Variants in GPR176 observed in about 807,000 individuals in gnomAD.
GPR176 encodes the protein G protein-coupled receptor 176, also known as G-protein coupled receptor 176.
In GPR176, 26 loss-of-function variants were observed where a neutral mutation model predicts 35.4. That is an observed-to-expected ratio of 0.74 (90% CI 0.54 to 1.02). GPR176 has a LOEUF of 1.02. Among genes scored for constraint, GPR176 ranks in the 50% least tolerant of loss-of-function variants. GPR176 has a pLI of 0.00. For missense variants in GPR176, 597 were observed against 665.3 expected, an observed-to-expected ratio of 0.90 and a Z score of 1.13; for synonymous variants, 278 against 271.3, an observed-to-expected ratio of 1.02 and a Z score of -0.24.
intron 1 of GPR176, among the ~76,000 whole-genome samples, chr15:39,846,095 T>C (rs1459159895): frequency 1.3e-5 from 2 of 152,220 alleles, no homozygotes; most frequent in East Asian, 3.9e-4. Context: ...TCTGGACTTC[T>C]ACATCTGTGA....
At chr15:39,886,453 T>C (rs1011616244) in intron 1 of GPR176, among the ~76,000 whole-genome samples, 1 of 152,088 alleles carries the variant, frequency 6.6e-6, no homozygotes, top group East Asian at 1.9e-4. Context: ...GATTTTCACA[T>C]CTATAAAATT....
In GPR176 at chr15:39,877,555, T is replaced by C. The variant is rs200021710; in HGVS notation, c.172+42300A>G. Among the ~76,000 whole-genome samples the C allele has an allele frequency of 4.0e-3, 612 of 151,208 alleles. 3 individuals carry two copies. The highest frequency in any genetic ancestry group is 0.031 in the East Asian group (158 of 5,146). On this transcript the variant is annotated intron_variant, in intron 1 of 2. Transcript: ENST00000561100. ...ATGCTCTTCTTCTTCTTCTTCTTTT[T>C]TTTTTTTTTTTGTTTGTTTGTTTTG...
intron 1 of GPR176, among the ~76,000 whole-genome samples, chr15:39,832,090 C>T (rs544567813): frequency 2.6e-5 from 4 of 152,024 alleles, no homozygotes; most frequent in African/African-American, 9.6e-5. Context: ...AGAAGACATA[C>T]AAATGGCCAA....
At chr15:39,849,391 C>G (rs985497698) in intron 1 of GPR176, among the ~76,000 whole-genome samples, 1 of 152,096 alleles carries the variant, frequency 6.6e-6, no homozygotes, top group Non-Finnish European at 1.5e-5. Context: ...ATTCCACATA[C>G]TCTCTTCCAA....
intron 1 of GPR176, among the ~76,000 whole-genome samples, chr15:39,895,004 G>A (rs926742799): frequency 3.3e-5 from 5 of 152,238 alleles, no homozygotes; most frequent in Non-Finnish European, 5.9e-5. Context: ...CGAGGCTGGC[G>A]GATCACTTGC....
At chr15:39,887,898 A>C (rs1047934618) in intron 1 of GPR176, among the ~76,000 whole-genome samples, 1 of 152,222 alleles carries the variant, frequency 6.6e-6, no homozygotes, top group Non-Finnish European at 1.5e-5. Context: ...GATATAAAAG[A>C]AGCTCTCTGC....
intron 1 of GPR176, among the ~76,000 whole-genome samples, chr15:39,897,303 C>A (rs770744437): frequency 1.3e-5 from 2 of 152,228 alleles, no homozygotes; most frequent in Non-Finnish European, 2.9e-5. Flanking sequence ...ACAGCAGACA[C>A]AAAACCACAC....
At chr15:39,878,456 T>C (rs1294455104) in intron 1 of GPR176, among the ~76,000 whole-genome samples, 5 of 138,946 alleles carry the variant, frequency 3.6e-5, no homozygotes, top group African/African-American at 1.3e-4. Flanking sequence ...ACTTCTTCCT[T>C]GTGACCAAAT....
Position 39,811,743 on chromosome 15 carries a change from C to T in GPR176, c.173-4485G>A, listed in dbSNP as rs149933220. Among the ~76,000 whole-genome samples, 278 of 152,080 alleles carry T rather than the reference C, an allele frequency of 1.8e-3. 1 individual carries two copies. The highest frequency in any genetic ancestry group is 0.017 in the East Asian group (87 of 5,172). On this transcript the variant is annotated intron_variant, in intron 1 of 2. Coordinates refer to ENST00000561100, the MANE Select transcript of GPR176 (RefSeq NM_007223.3). ...CATCCTGGCGAACATGGTGAAACCC[C>T]GTCTCTACTAAAAATACAAAAAATT...
rs1352211612 is a variant in GPR176, at chr15:39,831,303, A to G, written c.173-24045T>C. On this transcript the variant is annotated intron_variant, in intron 1 of 2. Transcript: ENST00000561100. Reference sequence around the variant, plus strand: ...CCTAACTTTCTTTTCTTCTCACACTACACAGTCTCCCCAGGTAATCTCAGC... The same window carrying G: ...CCTAACTTTCTTTTCTTCTCACACTGCACAGTCTCCCCAGGTAATCTCAGC... Among the ~76,000 whole-genome samples, 3 of 152,220 alleles carry G rather than the reference A, an allele frequency of 2.0e-5. No individual in the cohort carries two copies. The East Asian group carries it at 5.8e-4, about 29-fold the overall frequency.
intron 1 of GPR176, among the ~76,000 whole-genome samples, chr15:39,893,743 C>CCA (rs1163875685): frequency 1.4e-5 from 2 of 146,170 alleles, no homozygotes; most frequent in Non-Finnish European, 3.1e-5. Context: ...CTGACCCCCC[C>CCA]ACCTCCCTCC....
chr15:39,840,182 C>T (rs754660819), intron 1 of GPR176, among the ~76,000 whole-genome samples: 3 of 152,108 alleles, frequency 2.0e-5, no homozygotes, highest in African/African-American at 2.4e-5. Flanking sequence ...CACATGCACA[C>T]GTATGTTTAT....
In GPR176 at chr15:39,845,542, C is replaced by A. The variant is rs76166514; in HGVS notation, c.173-38284G>T. 1.8e-4 allele frequency among the ~76,000 whole-genome samples: 28 copies of A among 151,656 alleles called. No homozygotes were observed. In the East Asian group the frequency reaches 5.4e-3, roughly 29 times the overall value. Reference sequence around the variant, plus strand: ...CTTTAAAGCTTTAAAAACACTGATGCCTGGGCCACACTCAGACGCTTGATT... The same window carrying A: ...CTTTAAAGCTTTAAAAACACTGATGACTGGGCCACACTCAGACGCTTGATT... On this transcript the variant is annotated intron_variant, in intron 1 of 2. Coordinates refer to ENST00000561100, the MANE Select transcript of GPR176 (RefSeq NM_007223.3).
At chr15:39,863,129 G>A (rs1336664501) in intron 1 of GPR176, among the ~76,000 whole-genome samples, 1 of 150,366 alleles carries the variant, frequency 6.7e-6, no homozygotes, top group Non-Finnish European at 1.5e-5. Context: ...GTGCGATCTC[G>A]GCTCACTGCA....
At chr15:39,849,033 A>G (rs577095103) in intron 1 of GPR176, among the ~76,000 whole-genome samples, 4 of 152,204 alleles carry the variant, frequency 2.6e-5, no homozygotes, top group African/African-American at 9.6e-5. Flanking sequence ...GAAATAAAGA[A>G]CTGGTCCTTT....
chr15:39,867,166 T>C (rs895386114), intron 1 of GPR176, among the ~76,000 whole-genome samples: 1 of 152,138 alleles, frequency 6.6e-6, no homozygotes, highest in African/African-American at 2.4e-5. Context: ...GATGAAGCTA[T>C]AAAGTGCAAA....
At chr15:39,829,711 A>C (rs1313694905) in intron 1 of GPR176, among the ~76,000 whole-genome samples, 1 of 152,106 alleles carries the variant, frequency 6.6e-6, no homozygotes, top group Non-Finnish European at 1.5e-5. Context: ...CTCAAGGCCA[A>C]CATTCACCCA....
chr15:39,806,785 C>T (rs1235469499), intron 2 of GPR176, among the ~76,000 whole-genome samples: 1 of 152,196 alleles, frequency 6.6e-6, no homozygotes, highest in Non-Finnish European at 1.5e-5. Flanking sequence ...ATGGAACTCC[C>T]ATCCCCAGGT....
chr15:39,802,466 C>A (rs537076240), intron 2 of GPR176, among the ~76,000 whole-genome samples: 7 of 152,280 alleles, frequency 4.6e-5, no homozygotes, highest in Admixed American at 3.9e-4. Context: ...AAAATAAAAA[C>A]CTTTCCAAAG....
Sources: allele counts gnomAD v4.1 joint callset (sites outside exome capture counted in the v4.1 genomes callset), GRCh38; gene constraint gnomAD v4.1.1; transcripts MANE v1.5; gene names NCBI Gene and HGNC (gene_info 2026-07-23, HGNC 2026-07-21).